Variants in SNTG1 observed in about 807,000 individuals in gnomAD.
SNTG1 encodes syntrophin gamma 1, also known as gamma-1-syntrophin.
In SNTG1, 39 loss-of-function variants were observed where a neutral mutation model predicts 74.7. That is an observed-to-expected ratio of 0.52 (90% CI 0.40 to 0.68). The LOEUF (loss-of-function observed/expected upper bound fraction) is 0.68. Among genes scored for constraint, SNTG1 ranks in the 30% least tolerant of loss-of-function variants. The pLI, the probability that SNTG1 is intolerant of heterozygous loss-of-function variation, is 0.00. For synonymous variants in SNTG1, 254 were observed against 217.1 expected (o/e 1.17, Z -1.49); for missense variants, 685 against 609.5 (o/e 1.12, Z -1.30).
chr8:50,720,116 T>C (rs1283224422), intron 17 of SNTG1, among the ~76,000 whole-genome samples: 8 of 152,210 alleles, frequency 5.3e-5, no homozygotes, highest in Non-Finnish European at 1.0e-4. Flanking sequence ...ATGCATGATC[T>C]CTAAGACTCC....
intron 13 of SNTG1, among the ~76,000 whole-genome samples, chr8:50,653,043 T>C (rs2095157880): frequency 6.6e-6 from 1 of 152,024 alleles, no homozygotes; most frequent in African/African-American, 2.4e-5. Context: ...ACAAATTTTC[T>C]GTACTTTTAT....
intron 5 of SNTG1, among the ~76,000 whole-genome samples, chr8:50,440,710 G>C (rs1048948125): frequency 9.9e-5 from 15 of 152,098 alleles, no homozygotes; most frequent in Admixed American, 5.2e-4. Context: ...GGCACACACC[G>C]GAAAGACTCG....
chr8:50,584,168 A>G (rs2094631261), intron 12 of SNTG1, among the ~76,000 whole-genome samples: 1 of 152,114 alleles, frequency 6.6e-6, no homozygotes, highest in Non-Finnish European at 1.5e-5. Flanking sequence ...AATCCAGTCT[A>G]TCATTGATGG....
chr8:50,490,683 G>C (rs547344509), intron 8 of SNTG1: 6 of 152,362 alleles, frequency 3.9e-5, no homozygotes, highest in African/African-American at 1.4e-4. Flanking sequence ...CAGGGGCCCC[G>C]GGCAGCCCAG....
In SNTG1 at chr8:50,779,353, T is replaced by C. The variant is rs1277506940; in HGVS notation, c.1396-13318T>C. ...CCCATGAGGGTGGAATGTTCTTCCATTTCTTTGTATCCTCTTTTATTTCAT... is the reference window on the plus strand; with the variant it reads ...CCCATGAGGGTGGAATGTTCTTCCACTTCTTTGTATCCTCTTTTATTTCAT... On this transcript the variant is annotated intron_variant, in intron 18 of 18. Coordinates refer to ENST00000642720, the MANE Select transcript of SNTG1 (RefSeq NM_018967.5). Among the ~76,000 whole-genome samples, 3 of 152,310 alleles carry C rather than the reference T, an allele frequency of 2.0e-5. No homozygotes were observed. In the East Asian group the frequency reaches 5.8e-4, roughly 29 times the overall value.
At chr8:50,626,583 G>T (rs1585885156) in intron 13 of SNTG1, among the ~76,000 whole-genome samples, 1 of 152,218 alleles carries the variant, frequency 6.6e-6, no homozygotes, top group African/African-American at 2.4e-5. Context: ...CTCCTTACAG[G>T]AAACAAAGGA....
chr8:50,551,525 G>A (rs1209375019), intron 11 of SNTG1, among the ~76,000 whole-genome samples: 1 of 152,134 alleles, frequency 6.6e-6, no homozygotes, highest in Non-Finnish European at 1.5e-5. Context: ...CCAGAGAGCA[G>A]AAAGAAATAT....
At chr8:50,308,775 G>A (rs559526689) in intron 2 of SNTG1, among the ~76,000 whole-genome samples, 5 of 152,174 alleles carry the variant, frequency 3.3e-5, no homozygotes, top group Non-Finnish European at 7.4e-5. Flanking sequence ...AGATATTGGT[G>A]TCTTCTAACA....
chr8:50,273,560 A>G (rs1338801195), intron 2 of SNTG1, among the ~76,000 whole-genome samples: 1 of 152,212 alleles, frequency 6.6e-6, no homozygotes, highest in Admixed American at 6.5e-5. Flanking sequence ...AATAAAATTG[A>G]AAGTTGTTCG....
chr8:50,226,851 A>T (rs570613630), intron 2 of SNTG1, among the ~76,000 whole-genome samples: 1 of 152,318 alleles, frequency 6.6e-6, no homozygotes. Context: ...TATTTGGCTC[A>T]AAATAAATAT....
intron 4 of SNTG1, among the ~76,000 whole-genome samples, chr8:50,427,717 G>T (rs2093181106): frequency 6.6e-6 from 1 of 152,144 alleles, no homozygotes; most frequent in African/African-American, 2.4e-5. Flanking sequence ...ATGAGTCACT[G>T]CACCCAGCCT....
At chr8:50,504,393 T>C (rs1379648857) in intron 9 of SNTG1, among the ~76,000 whole-genome samples, 1 of 152,200 alleles carries the variant, frequency 6.6e-6, no homozygotes. Flanking sequence ...GGAAGCTTCT[T>C]GTATAAGGCT....
intron 1 of SNTG1, among the ~76,000 whole-genome samples, chr8:50,131,668 A>G (rs1194583611): frequency 1.3e-5 from 2 of 152,132 alleles, no homozygotes; most frequent in Admixed American, 1.3e-4. Flanking sequence ...TCTCCTCAAA[A>G]TAGTGATTTC....
At chr8:50,072,980 C>T (rs913769975) in intron 1 of SNTG1, among the ~76,000 whole-genome samples, 1 of 152,266 alleles carries the variant, frequency 6.6e-6, no homozygotes, top group East Asian at 1.9e-4. Context: ...GAGGGTCAGG[C>T]CTCCATATTG....
intron 18 of SNTG1, among the ~76,000 whole-genome samples, chr8:50,778,197 T>A (rs1431696472): frequency 1.3e-5 from 2 of 152,218 alleles, no homozygotes; most frequent in African/African-American, 4.8e-5. Context: ...GCATGATTTA[T>A]AGTCCTTTGG....
chr8:49,931,343 A>G (rs1245775061), intron 1 of SNTG1, among the ~76,000 whole-genome samples: 2 of 152,198 alleles, frequency 1.3e-5, no homozygotes, highest in African/African-American at 4.8e-5. Context: ...ACACCTAAAT[A>G]CATGTGAGAT....
At chr8:50,465,556 T>C (rs899023274) in intron 8 of SNTG1, among the ~76,000 whole-genome samples, 1 of 152,178 alleles carries the variant, frequency 6.6e-6, no homozygotes, top group Non-Finnish European at 1.5e-5. Flanking sequence ...TACAATGTCA[T>C]ACAGAATAGT....
chr8:50,386,577 G>A (rs927892814), intron 2 of SNTG1, among the ~76,000 whole-genome samples: 2 of 151,904 alleles, frequency 1.3e-5, no homozygotes, highest in African/African-American at 4.8e-5. Context: ...AAAGAAAAGG[G>A]GCTTACTTTG....
intron 1 of SNTG1, among the ~76,000 whole-genome samples, chr8:49,944,716 C>A (rs2129380977): frequency 7.0e-6 from 1 of 143,352 alleles, no homozygotes; most frequent in South Asian, 2.2e-4. Flanking sequence ...TACCCTAAAA[C>A]AAAGTATAAT....
Sources: gnomAD v4.1 joint callset for allele counts (sites outside exome capture counted in the v4.1 genomes callset) on GRCh38, gnomAD v4.1.1 for gene constraint, MANE v1.5 for transcripts, NCBI Gene and HGNC (gene_info 2026-07-23, HGNC 2026-07-21) for gene names.